RGS21: variants seen among roughly 807,000 people sequenced by gnomAD.
RGS21 encodes regulator of G-protein signalling 21.
Under a neutral mutation model 18.7 loss-of-function variants are expected in RGS21, and 19 were observed. The ratio of observed to expected loss-of-function variants is 1.01; its 90% CI spans 0.71 to 1.49. RGS21 has a LOEUF of 1.49. Among genes scored for constraint, RGS21 ranks in the 40% most tolerant of loss-of-function variants. The probability of loss-of-function intolerance (pLI) is 0.00; values close to 1 mark genes in which losing one functional copy is unlikely to be tolerated. For missense variants in RGS21, 194 were observed against 176.8 expected (o/e 1.10, Z -0.55); for synonymous variants, 56 against 57.8 (o/e 0.97, Z 0.14).
At chr1:192,344,431 T>A (rs1417455534) in intron 2 of RGS21, among the ~76,000 whole-genome samples, 1 of 152,134 alleles carries the variant, frequency 6.6e-6, no homozygotes, top group East Asian at 1.9e-4. Flanking sequence ...TGACCCTCTT[T>A]ACTCTTTGGT....
chr1:192,344,152 T>C (rs1658913994), intron 2 of RGS21, among the ~76,000 whole-genome samples: 2 of 152,070 alleles, frequency 1.3e-5, no homozygotes, highest in Non-Finnish European at 2.9e-5. Context: ...AAGCTTTCAG[T>C]TGAGCAGCCA....
At chr1:192,320,036 A>G (rs1557972351) in intron 1 of RGS21, among the ~76,000 whole-genome samples, 1 of 152,136 alleles carries the variant, frequency 6.6e-6, no homozygotes, top group African/African-American at 2.4e-5. Flanking sequence ...AATTAGAAGC[A>G]AAGGTCACAC....
intron 4 of RGS21, among the ~76,000 whole-genome samples, chr1:192,363,463 T>A (rs1571465372): frequency 6.6e-6 from 1 of 152,154 alleles, no homozygotes; most frequent in Admixed American, 6.6e-5. Flanking sequence ...AGAAACAGGC[T>A]GCATATATTC....
chr1:192,365,335 G>A (rs1472059520), intron 4 of RGS21, among the ~76,000 whole-genome samples: 3 of 152,030 alleles, frequency 2.0e-5, no homozygotes, highest in Non-Finnish European at 4.4e-5. Flanking sequence ...ATTAGAACTC[G>A]CTGGAAATGC....
chr1:192,332,402 A>C (rs1658670129), intron 1 of RGS21, among the ~76,000 whole-genome samples: 2 of 152,210 alleles, frequency 1.3e-5, no homozygotes, highest in Admixed American at 1.3e-4. Flanking sequence ...TGTCAATTGA[A>C]TATCAATAGG....
chr1:192,359,653 G>GTATATATATCTATATATATATA (rs1202366412), intron 4 of RGS21, among the ~76,000 whole-genome samples: 1 of 104,518 alleles, frequency 9.6e-6, no homozygotes, highest in Non-Finnish European at 1.9e-5. Flanking sequence ...ATGTGTGTGT[G>GTATATATATCTATATATATATA]TGTATATATA....
intron 3 of RGS21, among the ~76,000 whole-genome samples, chr1:192,348,317 C>A (rs563624988): frequency 6.6e-6 from 1 of 152,074 alleles, no homozygotes; most frequent in Non-Finnish European, 1.5e-5. Flanking sequence ...TAAGCCACTG[C>A]GCCCAGCTGG....
chr1:192,352,982 C>T (rs1422837743), intron 4 of RGS21, among the ~76,000 whole-genome samples: 8 of 152,066 alleles, frequency 5.3e-5, no homozygotes, highest in African/African-American at 1.7e-4. Flanking sequence ...AAACAAAGAG[C>T]GTTAATGTAT....
chr1:192,346,389 G>T (rs936501218), intron 2 of RGS21, among the ~76,000 whole-genome samples: 2 of 152,028 alleles, frequency 1.3e-5, no homozygotes, highest in South Asian at 4.1e-4. Context: ...CGATATATGA[G>T]TTTTTCTCTA....
At chr1:192,360,039 G>A (rs1571463945) in intron 4 of RGS21, among the ~76,000 whole-genome samples, 1 of 151,640 alleles carries the variant, frequency 6.6e-6, no homozygotes, top group African/African-American at 2.4e-5. Flanking sequence ...TTCTTTTCCT[G>A]TTCCTACTCA....
chr1:192,360,007 C>T (rs1659165270), intron 4 of RGS21, among the ~76,000 whole-genome samples: 1 of 151,824 alleles, frequency 6.6e-6, no homozygotes, highest in South Asian at 2.1e-4. Flanking sequence ...TCTTTCTCCC[C>T]TACTGATTGC....
intron 1 of RGS21, among the ~76,000 whole-genome samples, chr1:192,325,570 A>G (rs939884016): frequency 1.3e-5 from 2 of 152,084 alleles, no homozygotes; most frequent in African/African-American, 2.4e-5. Context: ...TTACATTCCC[A>G]CCAGTGTATA....
At chr1:192,352,415 G>T (rs964071152) in intron 4 of RGS21, among the ~76,000 whole-genome samples, 1 of 151,752 alleles carries the variant, frequency 6.6e-6, no homozygotes, top group African/African-American at 2.4e-5. Flanking sequence ...CACTTATTAT[G>T]GGCTAGGTAT....
At chr1:192,318,636 T>A (rs183546002) in intron 1 of RGS21, among the ~76,000 whole-genome samples, 6 of 152,146 alleles carry the variant, frequency 3.9e-5, no homozygotes, top group African/African-American at 1.2e-4. Context: ...TCTTTATTGA[T>A]GGGTTTTATC....
intron 1 of RGS21, among the ~76,000 whole-genome samples, chr1:192,326,698 A>G (rs895077810): frequency 6.6e-6 from 1 of 152,180 alleles, no homozygotes; most frequent in Non-Finnish European, 1.5e-5. Flanking sequence ...TTTCACATGC[A>G]ATATGTATTA....
intron 4 of RGS21, among the ~76,000 whole-genome samples, chr1:192,362,844 A>AT (rs1356505929): frequency 6.6e-6 from 1 of 152,076 alleles, no homozygotes; most frequent in African/African-American, 2.4e-5. Context: ...GTATAGAACC[A>AT]TTTTTTCACT....
chr1:192,351,869 C>T (rs1038213007), intron 3 of RGS21, among the ~76,000 whole-genome samples, 178 bp from the exon 4 acceptor site: 3 of 149,430 alleles, frequency 2.0e-5, no homozygotes, highest in Non-Finnish European at 4.5e-5. Context: ...TTAACAATTA[C>T]TGATTGAAAA....
chr1:192,361,934 A>C (rs1030918409), intron 4 of RGS21, among the ~76,000 whole-genome samples: 9 of 152,172 alleles, frequency 5.9e-5, no homozygotes, highest in Admixed American at 5.9e-4. Context: ...AAGGCTTCTC[A>C]GAGGATATTC....
chr1:192,352,110 G>A lies in RGS21; in HGVS notation c.152G>A (p.Trp51Ter), dbSNP rs1293863013. 1.9e-6 allele frequency: 3 copies of A among 1,610,500 alleles called. No individual in the cohort carries two copies. Among genetic ancestry groups the A allele is most frequent in the Admixed American group, 1.7e-5 (1 of 59,526 alleles). ...TTTAGTGAAGAAAATGTTGAGTTCT[G>A]GCTTGCCTGTGAAGACTTTAAGAAA... ...SEFSEENVEF[W>*]LACEDFKKTK... Residue 51 changes from tryptophan (W) to a stop codon, truncating the protein, a stop_gained, in exon 4 of 5, where the codon TGG becomes TAG. Transcript: ENST00000417209. LOFTEE classifies it high-confidence loss of function.
Sources: gnomAD v4.1 joint callset for allele counts (sites outside exome capture counted in the v4.1 genomes callset) on GRCh38, gnomAD v4.1.1 for gene constraint, MANE v1.5 for transcripts, NCBI Gene and HGNC (gene_info 2026-07-23, HGNC 2026-07-21) for gene names.